PCDH9: variants seen among roughly 807,000 people sequenced by gnomAD.
The protein encoded by PCDH9 is protocadherin 9.
A neutral mutation model predicts 70.6 loss-of-function variants in PCDH9; 24 were observed. The observed-to-expected ratio is 0.34, with a 90% CI of 0.25 to 0.48. PCDH9 has a LOEUF of 0.48. PCDH9 is among the 20% of genes least tolerant of loss of function. The probability of loss-of-function intolerance (pLI) is 0.99; values close to 1 mark genes in which losing one functional copy is unlikely to be tolerated. For synonymous variants in PCDH9, 562 were observed against 558.5 expected (o/e 1.01, Z -0.09); for missense variants, 1,281 against 1,503.6 (o/e 0.85, Z 2.45).
intron 4 of PCDH9, among the ~76,000 whole-genome samples, chr13:66,461,748 T>G (rs1203257329): frequency 6.6e-6 from 1 of 151,876 alleles, no homozygotes. Context: ...ATAGCTACTT[T>G]AGACACAATA....
intron 4 of PCDH9, among the ~76,000 whole-genome samples, chr13:66,349,620 ACTAGTGG>A (rs1221650119): frequency 6.6e-6 from 1 of 152,156 alleles, no homozygotes; most frequent in African/African-American, 2.4e-5. Context: ...TGATGAGAGT[ACTAGTGG>A]CTTTTGGGGC....
chr13:66,481,982 C>G (rs1215009174), intron 4 of PCDH9, among the ~76,000 whole-genome samples: 1 of 151,704 alleles, frequency 6.6e-6, no homozygotes, highest in Admixed American at 6.6e-5. Flanking sequence ...AATCAATCAA[C>G]AGTGAAAAAT....
At chr13:66,333,102 GGAAGA>G (rs770305353) in intron 4 of PCDH9, among the ~76,000 whole-genome samples, 61 of 152,116 alleles carry the variant, frequency 4.0e-4, no homozygotes, top group Non-Finnish European at 5.3e-4. Context: ...CCCATTGCAA[GGAAGA>G]CTTTCTTACT....
At chr13:66,615,821 T>A (rs1438533282) in intron 4 of PCDH9, among the ~76,000 whole-genome samples, 1 of 152,252 alleles carries the variant, frequency 6.6e-6, no homozygotes, top group African/African-American at 2.4e-5. Flanking sequence ...AAATAAGGCA[T>A]ACTCCTATGA....
chr13:66,499,172 CAT>C (rs1566372153), intron 4 of PCDH9, among the ~76,000 whole-genome samples: 1 of 151,766 alleles, frequency 6.6e-6, no homozygotes, highest in Non-Finnish European at 1.5e-5. Flanking sequence ...ACATTTAAAA[CAT>C]AATACTACTA....
intron 4 of PCDH9, among the ~76,000 whole-genome samples, chr13:66,579,714 T>C (rs2076863951): frequency 6.6e-6 from 1 of 151,978 alleles, no homozygotes; most frequent in South Asian, 2.1e-4. Context: ...TCTAAATGAG[T>C]ATACTAAAAT....
At chr13:66,411,681 GGATA>G (rs938096550) in intron 4 of PCDH9, among the ~76,000 whole-genome samples, 14 of 149,904 alleles carry the variant, frequency 9.3e-5, no homozygotes, top group African/African-American at 3.3e-4. Context: ...ATAGACAGAT[GGATA>G]GATAGATACC....
chr13:66,683,869 C>G (rs933594418), intron 3 of PCDH9, among the ~76,000 whole-genome samples: 2 of 152,112 alleles, frequency 1.3e-5, no homozygotes, highest in Non-Finnish European at 2.9e-5. Context: ...CACACAGTCT[C>G]CCTAAAGGAA....
intron 1 of PCDH9, among the ~76,000 whole-genome samples, chr13:67,229,243 A>T (rs2089954968): frequency 6.6e-6 from 1 of 152,240 alleles, no homozygotes; most frequent in Non-Finnish European, 1.5e-5. Context: ...TTGACAAATT[A>T]TCCTCATTAG....
At chr13:67,082,967 T>A (rs1035552651) in intron 2 of PCDH9, among the ~76,000 whole-genome samples, 1 of 152,162 alleles carries the variant, frequency 6.6e-6, no homozygotes, top group Admixed American at 6.5e-5. Flanking sequence ...GTATAAAGAA[T>A]ACTGGAATAC....
At chr13:66,862,493 G>A (rs527874714) in intron 3 of PCDH9, among the ~76,000 whole-genome samples, 11 of 152,078 alleles carry the variant, frequency 7.2e-5, no homozygotes, top group African/African-American at 1.7e-4. Context: ...TGCTTATCAC[G>A]GACTCCCATA....
intron 4 of PCDH9, among the ~76,000 whole-genome samples, chr13:66,548,091 C>A (rs1480760347): frequency 2.6e-5 from 4 of 151,480 alleles, no homozygotes; most frequent in African/African-American, 9.7e-5. Context: ...GCAATTTATA[C>A]CTTCATTGTG....
intron 3 of PCDH9, among the ~76,000 whole-genome samples, chr13:66,891,716 A>G (rs1279055820): frequency 6.6e-6 from 1 of 152,140 alleles, no homozygotes; most frequent in Non-Finnish European, 1.5e-5. Flanking sequence ...CTTTTTAAAA[A>G]ACACCATTTC....
rs1955660385 is a variant in PCDH9 at position 66,316,801 on chromosome 13, C to A, written c.3341-11773G>T. Among the ~76,000 whole-genome samples the A allele has an allele frequency of 1.3e-5, 2 of 152,270 alleles. 1 individual carries two copies. Among genetic ancestry groups the A allele is most frequent in the South Asian group, 4.1e-4 (2 of 4,830 alleles). On this transcript the variant is annotated intron_variant, in intron 4 of 4. Coordinates refer to ENST00000377865, the MANE Select transcript of PCDH9 (RefSeq NM_203487.3). The stretch of plus-strand genomic sequence containing the variant: ...AAAATGGCGTGATCTTGGCTCACTG[C>A]AACCTCCACCTCCTGGGTTCAAGCA...
At chr13:66,571,733 A>G (rs557254882) in intron 4 of PCDH9, among the ~76,000 whole-genome samples, 2 of 152,208 alleles carry the variant, frequency 1.3e-5, no homozygotes, top group East Asian at 3.9e-4. Flanking sequence ...GAAACTCAAG[A>G]GTGACTGGGT....
intron 2 of PCDH9, among the ~76,000 whole-genome samples, chr13:66,989,258 T>C (rs1271074459): frequency 3.9e-5 from 6 of 151,960 alleles, no homozygotes; most frequent in Admixed American, 3.9e-4. Flanking sequence ...TATAGATAAG[T>C]TTATGGTTAT....
chr13:66,730,176 CA>C (rs1160125433), intron 3 of PCDH9, among the ~76,000 whole-genome samples: 1 of 152,138 alleles, frequency 6.6e-6, no homozygotes, highest in African/African-American at 2.4e-5. Flanking sequence ...TATATGCATT[CA>C]TTTTTTTCAT....
intron 4 of PCDH9, among the ~76,000 whole-genome samples, chr13:66,343,651 G>A (rs945033947): frequency 3.9e-5 from 6 of 152,188 alleles, no homozygotes; most frequent in Admixed American, 2.0e-4. Context: ...AAGCACTCAC[G>A]TGACTAAGTG....
chr13:67,172,615 T>A (rs2088321558), intron 2 of PCDH9, among the ~76,000 whole-genome samples: 1 of 151,988 alleles, frequency 6.6e-6, no homozygotes, highest in Non-Finnish European at 1.5e-5. Context: ...AGGTGGCTCA[T>A]GCCTGTAATC....
Sources: gnomAD v4.1 joint callset for allele counts (sites outside exome capture counted in the v4.1 genomes callset) on GRCh38, gnomAD v4.1.1 for gene constraint, MANE v1.5 for transcripts, NCBI Gene and HGNC (gene_info 2026-07-23, HGNC 2026-07-21) for gene names.